Variants in NAV2 observed in about 807,000 individuals in gnomAD.
NAV2 encodes the protein helicase, APC down-regulated 1.
In NAV2, 54 loss-of-function variants were observed where a neutral mutation model predicts 223.2. The ratio of observed to expected loss-of-function variants is 0.24; its 90% confidence interval spans 0.19 to 0.30. The LOEUF (loss-of-function observed/expected upper bound fraction) is 0.30, where lower values mean the gene tolerates loss of function less well. Among genes scored for constraint, NAV2 ranks in the 10% least tolerant of loss-of-function variants. The pLI is 1.00. For missense variants in NAV2, 2,806 were observed against 3,147.5 expected, an observed-to-expected ratio of 0.89 and a Z score of 2.60; for synonymous variants, 1,279 against 1,239.3, an observed-to-expected ratio of 1.03 and a Z score of -0.67.
chr11:19,775,196 A>G (rs542632089), intron 1 of NAV2, among the ~76,000 whole-genome samples: 37 of 152,322 alleles, frequency 2.4e-4, no homozygotes, highest in Non-Finnish European at 2.2e-4. Context: ...ATATAAATAT[A>G]TTTTAATACA....
chr11:19,835,939 G>C (rs79382947), intron 2 of NAV2, among the ~76,000 whole-genome samples: 3,611 of 152,120 alleles, frequency 0.024, 130 homozygotes, highest in African/African-American at 0.083. Context: ...CTAGCTCCCC[G>C]ACACAGAACC....
rs529797140 is a variant in NAV2 at position 19,740,360 on chromosome 11, G to A, written c.267+26398G>A. ...TGCTTTGTTAAACAGATGCTTGAAGGCAGCATGCTCCTTAAGAGTCATCAC... is the reference window on the plus strand; with the variant it reads ...TGCTTTGTTAAACAGATGCTTGAAGACAGCATGCTCCTTAAGAGTCATCAC... On this transcript the variant is annotated intron_variant, in intron 1 of 37. Transcript: ENST00000349880. Among the ~76,000 whole-genome samples the A allele has an allele frequency of 5.9e-5, 9 of 152,208 alleles. No homozygotes were observed. In the East Asian group the frequency reaches 1.5e-3, roughly 26 times the overall value.
intron 12 of NAV2, among the ~76,000 whole-genome samples, chr11:20,041,004 G>A (rs575213900): frequency 6.6e-6 from 1 of 152,308 alleles, no homozygotes; most frequent in East Asian, 1.9e-4. Context: ...GAGAGAGAAA[G>A]TCAAGCCACA....
At chr11:19,613,086 G>A (rs1026864306) in intron 1 of NAV2, among the ~76,000 whole-genome samples, 14 of 152,262 alleles carry the variant, frequency 9.2e-5, no homozygotes, top group East Asian at 3.9e-4. Context: ...ATCAGATCTC[G>A]TGAGCCTTAT....
At chr11:19,414,645 C>A (rs1850289249) in intron 1 of NAV2, among the ~76,000 whole-genome samples, 1 of 152,174 alleles carries the variant, frequency 6.6e-6, no homozygotes, top group Admixed American at 6.5e-5. Context: ...AATATACCAT[C>A]TTCTCAGCAC....
At chr11:19,578,752 A>G (rs1316907445) in intron 1 of NAV2, among the ~76,000 whole-genome samples, 1 of 152,164 alleles carries the variant, frequency 6.6e-6, no homozygotes, top group African/African-American at 2.4e-5. Context: ...ATTATACATT[A>G]TCTATGGTTG....
chr11:20,089,881 G>A (rs1440549775), intron 26 of NAV2, among the ~76,000 whole-genome samples: 3 of 152,170 alleles, frequency 2.0e-5, no homozygotes, highest in African/African-American at 7.2e-5. Flanking sequence ...GAACTCAACA[G>A]GGTCCCATGG....
intron 1 of NAV2, among the ~76,000 whole-genome samples, chr11:19,500,438 C>A (rs2042929534): frequency 6.6e-6 from 1 of 152,184 alleles, no homozygotes. Flanking sequence ...CAATAAAAAG[C>A]TGATACACCC....
At chr11:20,005,064 C>T (rs2250324) in intron 11 of NAV2, among the ~76,000 whole-genome samples, 8 of 151,958 alleles carry the variant, frequency 5.3e-5, no homozygotes, top group African/African-American at 7.3e-5. Context: ...AGAGCAGGAA[C>T]GGAAGTGTCT....
intron 1 of NAV2, among the ~76,000 whole-genome samples, chr11:19,683,124 C>T (rs1280288385): frequency 1.3e-5 from 2 of 152,082 alleles, no homozygotes; most frequent in Non-Finnish European, 2.9e-5. Context: ...ATTAAATGAT[C>T]CTTAAATTTC....
At chr11:19,353,348 G>C (rs1853435399) in intron 1 of NAV2, among the ~76,000 whole-genome samples, 1 of 152,178 alleles carries the variant, frequency 6.6e-6, no homozygotes, top group Non-Finnish European at 1.5e-5. Context: ...GTGATTGCTG[G>C]GGGTTTCATG....
At chr11:19,804,630 C>A (rs746216940) in intron 1 of NAV2, among the ~76,000 whole-genome samples, 1 of 152,196 alleles carries the variant, frequency 6.6e-6, no homozygotes, top group Non-Finnish European at 1.5e-5. Flanking sequence ...CAAATCTGTC[C>A]AGTCTTCTGT....
chr11:19,882,370 C>G (rs1240878504), intron 5 of NAV2, among the ~76,000 whole-genome samples: 1 of 152,182 alleles, frequency 6.6e-6, no homozygotes. Context: ...GCCTAGATTC[C>G]TGGTTTGAAC....
At chr11:19,909,725 T>G (rs2043154716) in intron 6 of NAV2, among the ~76,000 whole-genome samples, 1 of 152,200 alleles carries the variant, frequency 6.6e-6, no homozygotes, top group South Asian at 2.1e-4. Flanking sequence ...TCGGCTGCTC[T>G]TTTTGAAATC....
At chr11:19,537,030 T>C (rs1284282725) in intron 1 of NAV2, among the ~76,000 whole-genome samples, 1 of 152,226 alleles carries the variant, frequency 6.6e-6, no homozygotes, top group African/African-American at 2.4e-5. Context: ...CATTAATTAG[T>C]TGCCTTTCAA....
At chr11:19,537,046 C>T (rs903173287) in intron 1 of NAV2, among the ~76,000 whole-genome samples, 1 of 152,094 alleles carries the variant, frequency 6.6e-6, no homozygotes, top group Non-Finnish European at 1.5e-5. Flanking sequence ...TTCAAAAATT[C>T]AACTTGTTTA....
intron 17 of NAV2, among the ~76,000 whole-genome samples, chr11:20,053,188 G>A (rs930716908): frequency 2.3e-5 from 3 of 132,176 alleles, no homozygotes; most frequent in South Asian, 2.4e-4. Context: ...ACCTTTCTCC[G>A]GCCTGGGCAG....
intron 11 of NAV2, among the ~76,000 whole-genome samples, chr11:19,993,244 A>G (rs2051522081): frequency 6.6e-6 from 1 of 152,232 alleles, no homozygotes; most frequent in Admixed American, 6.5e-5. Context: ...TGGCCATAAC[A>G]GGTCAGTGGA....
chr11:19,978,631 C>T (rs2050016392), intron 10 of NAV2: 1 of 142,742 alleles, frequency 7.0e-6, no homozygotes, highest in Non-Finnish European at 1.5e-5. Flanking sequence ...TTTGTTCTTT[C>T]ATTTCTTGCA....
Sources: gnomAD v4.1 joint callset for allele counts (sites outside exome capture counted in the v4.1 genomes callset) on GRCh38, gnomAD v4.1.1 for gene constraint, MANE v1.5 for transcripts, NCBI Gene and HGNC (gene_info 2026-07-23, HGNC 2026-07-21) for gene names.